The following RASA3 variants were observed in gnomAD, a reference collection of about 807,000 sequenced individuals.
The protein encoded by RASA3 is ras GTPase-activating protein 3.
Under a neutral mutation model 110.0 loss-of-function variants are expected in RASA3, and 73 were observed. That is an observed-to-expected ratio of 0.66 (90% CI 0.55 to 0.81). RASA3 has a LOEUF of 0.81. RASA3 is among the 30% of genes least tolerant of loss of function. RASA3 has a pLI of 0.00. For synonymous variants in RASA3, 500 were observed against 451.4 expected, an observed-to-expected ratio of 1.11 and a Z score of -1.37; for missense variants, 976 against 1,113.2, an observed-to-expected ratio of 0.88 and a Z score of 1.75.
intron 1 of RASA3, among the ~76,000 whole-genome samples, chr13:114,131,854 GAC>G (rs1177394869): frequency 2.0e-5 from 3 of 151,156 alleles, no homozygotes; most frequent in Non-Finnish European, 3.0e-5. Context: ...CCCACACATG[GAC>G]ACACAAACAC....
intron 4 of RASA3, chr13:114,036,152 C>T (rs556271669): frequency 3.1e-4 from 48 of 152,382 alleles, no homozygotes; most frequent in African/African-American, 1.1e-3. Flanking sequence ...CAGGCGGTGC[C>T]CTCGCTGGCA....
At position 114,015,224 on chromosome 13, in the gene RASA3, C is replaced by G. The variant is rs767277581; in HGVS notation, c.1390G>C (p.Ala464Pro). Residue 464 changes from alanine (A) to proline (P), a missense_variant, in exon 14 of 24, where the codon GCC (alanine) becomes CCC (proline). By Grantham distance (27) the Ala-to-Pro change is conservative (BLOSUM62 -1). Around this residue, in one of 4 missense-constraint regions of RASA3, gnomAD observed 732 missense variants for 779.7 expected, o/e 0.94. Coordinates refer to ENST00000334062, the MANE Select transcript of RASA3 (RefSeq NM_007368.4). Reference protein sequence around the residue: ...DIFFSLREAAAKRFQDDPDVR... With the variant: ...DIFFSLREAAPKRFQDDPDVR... ...GGGCACTCACCCTGGAAGCGCTTGG[C>G]CGCCGCCTCCCGGAGGGAGAAGAAG... 1 of 1,613,002 alleles carries G rather than the reference C, an allele frequency of 6.2e-7. No individual in the cohort carries two copies. The highest frequency in any genetic ancestry group is 1.1e-5 in the South Asian group (1 of 91,088).
chr13:114,078,807 G>A (rs1566558663), intron 1 of RASA3, among the ~76,000 whole-genome samples: 1 of 152,216 alleles, frequency 6.6e-6, no homozygotes, highest in East Asian at 1.9e-4. Context: ...CTGACCGAGG[G>A]TTAGGATGCC....
intron 1 of RASA3, among the ~76,000 whole-genome samples, chr13:114,097,809 C>T (rs117313781): frequency 0.014 from 2,132 of 152,318 alleles, 135 homozygotes; most frequent in Admixed American, 0.1. Flanking sequence ...ACGGGGGACG[C>T]AGCCTATGCG....
At chr13:114,017,863 G>T (rs1229542613) in intron 11 of RASA3, among the ~76,000 whole-genome samples, 1 of 151,964 alleles carries the variant, frequency 6.6e-6, no homozygotes, top group African/African-American at 2.4e-5. Flanking sequence ...TCGAGCCCCA[G>T]GAGCCGTTTC....
chr13:114,106,031 T>C (rs2080130881), intron 1 of RASA3, among the ~76,000 whole-genome samples: 1 of 152,110 alleles, frequency 6.6e-6, no homozygotes, highest in Non-Finnish European at 1.5e-5. Flanking sequence ...TCGCAGGCAC[T>C]GAGTGGGAGG....
chr13:114,131,219 A>G (rs140914933), intron 1 of RASA3, among the ~76,000 whole-genome samples: 18 of 152,290 alleles, frequency 1.2e-4, no homozygotes, highest in African/African-American at 4.3e-4. Flanking sequence ...GGCAGCATCA[A>G]ATGTCATCAA....
In RASA3 at chr13:114,112,351, A is replaced by G. The variant is rs1412936561; in HGVS notation, c.55+20084T>C. Among the ~76,000 whole-genome samples, 2 of 152,186 alleles carry G rather than the reference A, an allele frequency of 1.3e-5. No individual in the cohort carries two copies. Among genetic ancestry groups the G allele is most frequent in the Non-Finnish European group, 2.9e-5 (2 of 68,032 alleles). ...CCTGGCCGGGTGGAGGATTTCTACC[A>G]CGAGAAAGTCAGGGCCCTCCCCGAA... On this transcript the variant is annotated intron_variant, in intron 1 of 23. Coordinates refer to ENST00000334062, the MANE Select transcript of RASA3 (RefSeq NM_007368.4). The surrounding 1 kb of genome is among the most constrained non-coding windows in gnomAD (Gnocchi z 4.8).
intron 10 of RASA3, 86 bp from the exon 11 acceptor site, chr13:114,018,338 C>T: frequency 7.0e-7 from 1 of 1,438,122 alleles, no homozygotes; most frequent in Admixed American, 2.5e-5. Context: ...GTCTCACTTC[C>T]AGCCACAATA....
intron 3 of RASA3, among the ~76,000 whole-genome samples, chr13:114,047,688 A>G (rs1255058732): frequency 6.6e-6 from 1 of 152,230 alleles, no homozygotes; most frequent in African/African-American, 2.4e-5. Context: ...TGTCTGTATG[A>G]TGGAAACCCA....
intron 2 of RASA3, among the ~76,000 whole-genome samples, chr13:114,071,065 T>C (rs2079564505): frequency 6.6e-6 from 1 of 152,394 alleles, no homozygotes; most frequent in Non-Finnish European, 1.5e-5. Context: ...TTTTACTCTC[T>C]TGGAACTGTC....
intron 2 of RASA3, among the ~76,000 whole-genome samples, chr13:114,054,292 G>A (rs2079200356): frequency 6.6e-6 from 1 of 152,204 alleles, no homozygotes; most frequent in African/African-American, 2.4e-5. Flanking sequence ...CAAAAGATTT[G>A]AACACACATA....
intron 7 of RASA3, among the ~76,000 whole-genome samples, chr13:114,025,589 C>T (rs568838355): frequency 3.3e-4 from 51 of 152,372 alleles, no homozygotes; most frequent in Admixed American, 2.5e-3. Context: ...TGGCCTTGGA[C>T]TCCTCTGTTT....
At position 114,027,875 on chromosome 13, in the gene RASA3, C is replaced by G; in HGVS notation, c.502G>C (p.Ala168Pro). The G allele has an allele frequency of 6.2e-7, 1 of 1,613,888 alleles. No individual in the cohort carries two copies. Among genetic ancestry groups the G allele is most frequent in the Non-Finnish European group, 8.5e-7 (1 of 1,180,010 alleles). The change falls in exon 6 of 24, where the codon GCC becomes CCC. Residue 168 changes from alanine (A) to proline (P), a missense_variant. By Grantham distance (27) the Ala-to-Pro change is conservative. Coordinates refer to ENST00000334062, the MANE Select transcript of RASA3 (RefSeq NM_007368.4). ...PIVNGQCDPY[A>P]TVTLAGPFRS... is the part of the protein sequence containing the mutation. ...AAGGGTCCTGCCAGCGTCACGGTGG[C>G]GTAGGGGTCACATTGCCCATTCACG...
rs570643490 is a variant in RASA3, at chr13:114,091,064, C to T, written c.56-17227G>A. The stretch of plus-strand genomic sequence containing the variant: ...CTAAAGCCCCATGCCCATCTGTAGA[C>T]GCACTCTCTAGAAATAACCACAGTT... On this transcript the variant is annotated intron_variant, in intron 1 of 23. Transcript: ENST00000334062. Among the ~76,000 whole-genome samples the T allele has an allele frequency of 1.1e-4, 17 of 152,274 alleles. 1 individual carries two copies. In the South Asian group the frequency reaches 1.7e-3, roughly 15 times the overall value.
At chr13:114,055,387 G>A (rs370965139) in intron 2 of RASA3, among the ~76,000 whole-genome samples, 95 of 152,310 alleles carry the variant, frequency 6.2e-4, no homozygotes, top group South Asian at 2.9e-3. Context: ...GCAGGATCTC[G>A]GGGCAGGACG....
intron 3 of RASA3, among the ~76,000 whole-genome samples, chr13:114,047,484 C>T (rs538478059): frequency 9.2e-5 from 14 of 152,358 alleles, no homozygotes; most frequent in Admixed American, 5.2e-4. Flanking sequence ...CTTGGAGACA[C>T]GGTTGGGTAG....
At chr13:114,118,522 ACACAC>A (rs2080325868) in intron 1 of RASA3, among the ~76,000 whole-genome samples, 1 of 152,194 alleles carries the variant, frequency 6.6e-6, no homozygotes, top group Non-Finnish European at 1.5e-5. Flanking sequence ...ATCCTAATAA[ACACAC>A]CAGTTAAGAA....
At chr13:114,012,103 C>T (rs1238685102) in intron 15 of RASA3, among the ~76,000 whole-genome samples, 3 of 152,088 alleles carry the variant, frequency 2.0e-5, no homozygotes, top group Non-Finnish European at 4.4e-5. Context: ...AATCTGTTGA[C>T]TCAATACACG....
Sources: gnomAD v4.1 joint callset for allele counts (sites outside exome capture counted in the v4.1 genomes callset) on GRCh38, gnomAD v4.1.1 for gene constraint, gnomAD v4.1.1 regional missense constraint, Gnocchi (gnomAD v3.1) non-coding constraint, MANE v1.5 for transcripts, NCBI Gene and HGNC (gene_info 2026-07-23, HGNC 2026-07-21) for gene names.